CSHL1: variants seen among roughly 807,000 people sequenced by gnomAD.
CSHL1 encodes the protein chorionic somatomammotropin hormone-like 1.
In CSHL1, 25 loss-of-function variants were observed where a neutral mutation model predicts 24.3. The ratio of observed to expected loss-of-function variants is 1.03; its 90% CI spans 0.75 to 1.44. The LOEUF (loss-of-function observed/expected upper bound fraction) is 1.44, where lower values mean the gene tolerates loss of function less well. Ranked by LOEUF, CSHL1 falls within the 40% of genes most tolerant of loss-of-function variation. The pLI is 0.00. For synonymous variants in CSHL1, 157 were observed against 115.6 expected, an observed-to-expected ratio of 1.36 and a Z score of -2.30; for missense variants, 342 against 279.3, an observed-to-expected ratio of 1.22 and a Z score of -1.60.
At chr17:63,910,393 C>A (rs376227697) in intron 3 of CSHL1, 27 bp downstream of exon 3, 3 of 1,614,212 alleles carry the variant, frequency 1.9e-6, no homozygotes, top group Non-Finnish European at 2.5e-6. Flanking sequence ...CCCCCATCCC[C>A]GCCTAGGGGA....
chr17:63,910,329 G>T lies in CSHL1; in HGVS notation c.307-3C>A, dbSNP rs767342337. 1.2e-6 allele frequency: 2 copies of T among 1,614,072 alleles called. No homozygotes were observed. Among genetic ancestry groups the T allele is most frequent in the African/African-American group, 2.7e-5 (2 of 74,920 alleles). On this transcript the variant is annotated splice_polypyrimidine_tract_variant and splice_region_variant and intron_variant, in intron 3 of 4. Coordinates refer to ENST00000309894, the MANE Select transcript of CSHL1 (RefSeq NM_022579.3). ...GAGATGTGGAGCAGCTCTAAGTTCT[G>T]CAGGGGAAGGACCGGCAGTGGCTGT...
chr17:63,909,694 G>T lies in CSHL1; in HGVS notation c.*17C>A, dbSNP rs764287206. On this transcript the variant is annotated 3_prime_UTR_variant, in exon 5 of 5. Transcript: ENST00000309894. ...GGAGAGGCACTGGGGAGGGGTCACAGGATGCCACGCGGGCCCCTAGAAGCC... is the reference window on the plus strand; with the variant it reads ...GGAGAGGCACTGGGGAGGGGTCACATGATGCCACGCGGGCCCCTAGAAGCC... 1.2e-6 allele frequency: 2 copies of T among 1,614,106 alleles called. No homozygotes were observed. Among genetic ancestry groups the T allele is most frequent in the South Asian group, 2.2e-5 (2 of 91,080 alleles).
In CSHL1 at chr17:63,909,750, C is replaced by T. The variant is rs146908988; in HGVS notation, c.630G>A (p.Met210Ile). The change falls in exon 5 of 5, where the codon ATG becomes ATA. Residue 210 changes from methionine (M) to isoleucine (I), a missense_variant. Met to Ile is a conservative substitution (Grantham distance 10, BLOSUM62 1). Coordinates refer to ENST00000309894, the MANE Select transcript of CSHL1 (RefSeq NM_022579.3). The part of the protein sequence containing the change: ...DMDKVETFLR[M>I]VQCRSVEGSC... Reference sequence around the variant, plus strand: ...TGCCCTCCACAGAGCGGCACTGCACCATGCGCAGGAATGTCTCGACCTTGT... The same window carrying T: ...TGCCCTCCACAGAGCGGCACTGCACTATGCGCAGGAATGTCTCGACCTTGT... The T allele has an allele frequency of 9.9e-6, 16 of 1,613,938 alleles. No homozygotes were observed. Among genetic ancestry groups the T allele is most frequent in the Middle Eastern group, 1.6e-4 (1 of 6,082 alleles).
chr17:63,909,929 A>C (rs1906737130), intron 4 of CSHL1, 21 bp from the exon 5 acceptor site: 2 of 1,614,026 alleles, frequency 1.2e-6, no homozygotes, highest in African/African-American at 2.7e-5. Context: ...AAGCAAGAGA[A>C]GGAGAGACCA....
intron 4 of CSHL1, 92 bp from the exon 5 acceptor site, chr17:63,910,000 G>C (rs541608810): frequency 6.2e-7 from 1 of 1,613,974 alleles, no homozygotes; most frequent in East Asian, 2.2e-5. Context: ...CCCCTTCAGG[G>C]TGTAGAGAAA....
intron 4 of CSHL1, 90 bp from the exon 5 acceptor site, chr17:63,909,998 G>C: frequency 1.2e-6 from 2 of 1,614,002 alleles, no homozygotes; most frequent in Non-Finnish European, 1.7e-6. Context: ...TTCCCCTTCA[G>C]GGTGTAGAGA....
rs776415366 is a variant in CSHL1 at position 63,910,125 on chromosome 17, G to A, written c.471+37C>T. 8.1e-6 allele frequency: 13 copies of A among 1,614,034 alleles called. No homozygotes were observed. The South Asian group carries it at 1.2e-4, about 15-fold the overall frequency. The stretch of plus-strand genomic sequence containing the variant: ...TCTCCCCCAGCCCTCGAAGCCAGTG[G>A]GCTTCCAGGATTGGGGACCCCTGGT... On this transcript the variant is annotated intron_variant, in intron 4 of 4. Coordinates refer to ENST00000309894, the MANE Select transcript of CSHL1 (RefSeq NM_022579.3).
intron 4 of CSHL1, 72 bp from the exon 5 acceptor site, chr17:63,909,980 T>C (rs1169758554): frequency 6.2e-7 from 1 of 1,613,834 alleles, no homozygotes; most frequent in Non-Finnish European, 8.5e-7. Flanking sequence ...ATTTATCCAT[T>C]TTCCTCCTTC....
rs1906703193 is a variant in CSHL1 at position 63,909,785 on chromosome 17, T to C, written c.595A>G (p.Lys199Glu). The C allele has an allele frequency of 6.2e-7, 1 of 1,613,982 alleles. No individual in the cohort carries two copies. The highest frequency in any genetic ancestry group is 8.5e-7 in the Non-Finnish European group (1 of 1,179,946). The change falls in exon 5 of 5, where the codon AAG becomes GAG. Residue 199 changes from lysine to glutamate, a missense_variant. By Grantham distance (56) the Lys-to-Glu change is moderately conservative. Coordinates refer to ENST00000309894, the MANE Select transcript of CSHL1 (RefSeq NM_022579.3). ...AATGTCTCGACCTTGTCCATGTCCTTCCTGAAGCAGTGGAGCAGCCCGTAG... is the reference window on the plus strand; with the variant it reads ...AATGTCTCGACCTTGTCCATGTCCTCCCTGAAGCAGTGGAGCAGCCCGTAG... Reference protein sequence around the residue: ...KNYGLLHCFRKDMDKVETFLR... With the variant: ...KNYGLLHCFREDMDKVETFLR...
Position 63,910,275 on chromosome 17 carries a change from G to T in CSHL1, c.358C>A (p.Pro120Thr). Residue 120 changes from proline (P) to threonine (T), a missense_variant, in exon 4 of 5, where the codon CCC becomes ACC. Coordinates refer to ENST00000309894, the MANE Select transcript of CSHL1 (RefSeq NM_022579.3). The stretch of plus-strand genomic sequence containing the variant: ...AAGGTACTCCTGAGGAACCGCACGG[G>T]CTCCAGCCGCGACTCGATGAGCAGC... ...SLLLIESRLE[P>T]VRFLRSTFTN... 1 of 1,614,086 alleles carries T rather than the reference G, an allele frequency of 6.2e-7. No homozygotes were observed. The highest frequency in any genetic ancestry group is 1.3e-5 in the African/African-American group (1 of 75,026).
Position 63,910,268 on chromosome 17 carries a change from C to A in CSHL1, c.365G>T (p.Arg122Leu). The change falls in exon 4 of 5, where the codon CGG becomes CTG. Residue 122 changes from arginine to leucine, a missense_variant. Transcript: ENST00000309894. ...GTTGGTGAAGGTACTCCTGAGGAAC[C>A]GCACGGGCTCCAGCCGCGACTCGAT... ...LLIESRLEPV[R>L]FLRSTFTNNL... 6.2e-7 allele frequency: 1 copy of A among 1,614,050 alleles called. No individual in the cohort carries two copies. The highest frequency in any genetic ancestry group is 8.5e-7 in the Non-Finnish European group (1 of 1,179,994).
chr17:63,911,210 G>A lies in CSHL1; in HGVS notation c.-14C>T. On this transcript the variant is annotated 5_prime_UTR_variant, in exon 1 of 5. Transcript: ENST00000309894. Reference sequence around the variant, plus strand: ...ACCTGCAGCCATTGCCGCTAGGTGAGCTGTCCACAGGACCCTGAGTGGTGC... The same window carrying A: ...ACCTGCAGCCATTGCCGCTAGGTGAACTGTCCACAGGACCCTGAGTGGTGC... 1 of 1,614,002 alleles carries A rather than the reference G, an allele frequency of 6.2e-7. No homozygotes were observed. The highest frequency in any genetic ancestry group is 8.5e-7 in the Non-Finnish European group (1 of 1,179,870).
In CSHL1 at chr17:63,910,663, A is replaced by G. The variant is rs1429925163; in HGVS notation, c.190+82T>C. On this transcript the variant is annotated intron_variant, in intron 2 of 4. Transcript: ENST00000309894. ...ATCTGCCTGCATTTTCGCTTCAGAA[A>G]ACAACCCTGAGCTCCTTAGTCTCCT... 3.7e-6 allele frequency: 6 copies of G among 1,613,984 alleles called. No individual in the cohort carries two copies. In the Admixed American group the frequency reaches 6.7e-5, roughly 18 times the overall value.
rs749346548 is a variant in CSHL1, at chr17:63,911,211, C to T, written c.-15G>A. The T allele has an allele frequency of 1.9e-6, 3 of 1,614,012 alleles. No homozygotes were observed. The highest frequency in any genetic ancestry group is 2.5e-6 in the Non-Finnish European group (3 of 1,179,880). ...CCTGCAGCCATTGCCGCTAGGTGAG[C>T]TGTCCACAGGACCCTGAGTGGTGCG... On this transcript the variant is annotated 5_prime_UTR_variant, in exon 1 of 5. Transcript: ENST00000309894.
chr17:63,910,553 C>A lies in CSHL1; in HGVS notation c.191-18G>T. The A allele has an allele frequency of 6.2e-7, 1 of 1,614,120 alleles. No homozygotes were observed. The highest frequency in any genetic ancestry group is 8.5e-7 in the Non-Finnish European group (1 of 1,180,016). On this transcript the variant is annotated intron_variant, in intron 2 of 4. Coordinates refer to ENST00000309894, the MANE Select transcript of CSHL1 (RefSeq NM_022579.3). ...ATAGGCTTCTTCCTAGGGGAAGGAC[C>A]CCCCACCAAGAAGGACCACTGCTTT... is the stretch of plus-strand genomic sequence containing the variant.
rs376404406 is a variant in CSHL1, at chr17:63,910,274, G to A, written c.359C>T (p.Pro120Leu). Reference protein sequence around the residue: ...SLLLIESRLEPVRFLRSTFTN... With the variant: ...SLLLIESRLELVRFLRSTFTN... ...GAAGGTACTCCTGAGGAACCGCACG[G>A]GCTCCAGCCGCGACTCGATGAGCAG... Residue 120 changes from proline to leucine, a missense_variant, in exon 4 of 5, where the codon CCC becomes CTC. Transcript: ENST00000309894. 92 of 1,613,980 alleles carry A rather than the reference G, an allele frequency of 5.7e-5. No individual in the cohort carries two copies. The highest frequency in any genetic ancestry group is 7.4e-5 in the Non-Finnish European group (87 of 1,180,004).
At position 63,911,155 on chromosome 17, in the gene CSHL1, G is replaced by T. The variant is rs557759530; in HGVS notation, c.10+32C>A. On this transcript the variant is annotated intron_variant, in intron 1 of 4. Transcript: ENST00000309894. ...GGCGCCGCCTCTCCCCTCAGGACAC[G>T]TTGTGCCCAAAGGGATTTTAGGGGC... The T allele has an allele frequency of 7.4e-6, 12 of 1,612,720 alleles. No individual in the cohort carries two copies. In the African/African-American group the frequency reaches 1.2e-4, roughly 16 times the overall value.
At position 63,910,771 on chromosome 17, in the gene CSHL1, T is replaced by A. The variant is rs1334065021; in HGVS notation, c.164A>T (p.Gln55Leu). 1 of 1,614,094 alleles carries A rather than the reference T, an allele frequency of 6.2e-7. No individual in the cohort carries two copies. The highest frequency in any genetic ancestry group is 8.5e-7 in the Non-Finnish European group (1 of 1,180,032). ...CATTCCCCAAGAGCTTATAAACTCC[T>A]GGTAGGTGTCAATGGCCAGCTGGTG... Reference protein sequence around the residue: ...RAHQLAIDTYQEFISSWGMEA... With the variant: ...RAHQLAIDTYLEFISSWGMEA... Residue 55 changes from glutamine (Q) to leucine (L), a missense_variant, in exon 2 of 5, where the codon CAG becomes CTG. Gln to Leu is a moderately radical substitution (Grantham distance 113). Coordinates refer to ENST00000309894, the MANE Select transcript of CSHL1 (RefSeq NM_022579.3).
rs1484186699 is a variant in CSHL1 at position 63,910,383 on chromosome 17, C to A, written c.306+37G>T. ...GCCCGGGGGCTCTGACCACAGGTCTCCCCCATCCCCGCCTAGGGGAGACAG... is the reference window on the plus strand; with the variant it reads ...GCCCGGGGGCTCTGACCACAGGTCTACCCCATCCCCGCCTAGGGGAGACAG... On this transcript the variant is annotated intron_variant, in intron 3 of 4. Coordinates refer to ENST00000309894, the MANE Select transcript of CSHL1 (RefSeq NM_022579.3). The A allele has an allele frequency of 1.1e-5, 17 of 1,614,002 alleles. No individual in the cohort carries two copies. The Admixed American group carries it at 2.7e-4, about 25-fold the overall frequency.
Sources: gnomAD v4.1 joint callset for allele counts on GRCh38, gnomAD v4.1.1 for gene constraint, MANE v1.5 for transcripts, NCBI Gene and HGNC (gene_info 2026-07-23, HGNC 2026-07-21) for gene names.